Variants in IQGAP1 observed in about 807,000 individuals in gnomAD.
The protein encoded by IQGAP1 is IQ motif containing GTPase activating protein 1.
Under a neutral mutation model 215.6 loss-of-function variants are expected in IQGAP1, and 66 were observed. The ratio of observed to expected loss-of-function variants is 0.31; its 90% CI spans 0.25 to 0.38. The LOEUF (loss-of-function observed/expected upper bound fraction) is 0.38, where lower values mean the gene tolerates loss of function less well. Ranked by LOEUF, IQGAP1 falls within the 10% of genes least tolerant of loss-of-function variation. IQGAP1 has a pLI of 1.00. For synonymous variants in IQGAP1, 772 were observed against 728.7 expected (o/e 1.06, Z -0.96); for missense variants, 1,712 against 1,997.1 (o/e 0.86, Z 2.72).
In IQGAP1 at chr15:90,484,160, C is replaced by G. The variant is rs919233825; in HGVS notation, c.3789-60C>G. On this transcript the variant is annotated intron_variant, in intron 29 of 37. Coordinates refer to ENST00000268182, the MANE Select transcript of IQGAP1 (RefSeq NM_003870.4). ...TTGTGTGAGAGGTTTGTGAAATGTCCTCTTGCCAACTTCATGTGTATGTCC... is the reference window on the plus strand; with the variant it reads ...TTGTGTGAGAGGTTTGTGAAATGTCGTCTTGCCAACTTCATGTGTATGTCC... 4.6e-6 allele frequency: 7 copies of G among 1,535,016 alleles called. No homozygotes were observed. The African/African-American group carries it at 5.5e-5, about 12-fold the overall frequency.
chr15:90,442,146 T>C (rs1381150892), intron 8 of IQGAP1, among the ~76,000 whole-genome samples: 1 of 152,202 alleles, frequency 6.6e-6, no homozygotes, highest in Non-Finnish European at 1.5e-5. Flanking sequence ...CCAGATTCTC[T>C]GGGGTAAAAT....
intron 31 of IQGAP1, 77 bp downstream of exon 31, chr15:90,486,209 T>A: frequency 1.1e-6 from 1 of 910,460 alleles, no homozygotes; most frequent in Non-Finnish European, 1.8e-6. Context: ...CTCCTCTATT[T>A]TTTGCACTAT....
chr15:90,416,954 C>T (rs1360782897), intron 2 of IQGAP1, among the ~76,000 whole-genome samples: 1 of 152,162 alleles, frequency 6.6e-6, no homozygotes, highest in African/African-American at 2.4e-5. Flanking sequence ...TTGCATTTCT[C>T]TGATGGCCAG....
intron 2 of IQGAP1, among the ~76,000 whole-genome samples, chr15:90,411,741 A>C (rs971537582): frequency 1.3e-5 from 2 of 152,130 alleles, no homozygotes; most frequent in Admixed American, 6.5e-5. Flanking sequence ...TTGGAATTTC[A>C]TTTCATTTCA....
At chr15:90,466,985 G>C (rs750122101) in intron 17 of IQGAP1, among the ~76,000 whole-genome samples, 1 of 152,036 alleles carries the variant, frequency 6.6e-6, no homozygotes, top group Non-Finnish European at 1.5e-5. Flanking sequence ...CCAGCTACCC[G>C]GGAGGCTGGG....
At chr15:90,403,234 C>T (rs1445055839) in intron 2 of IQGAP1, among the ~76,000 whole-genome samples, 1 of 152,194 alleles carries the variant, frequency 6.6e-6, no homozygotes, top group Non-Finnish European at 1.5e-5. Context: ...TACGATCACA[C>T]TGCTGCACAA....
intron 2 of IQGAP1, among the ~76,000 whole-genome samples, chr15:90,418,806 C>T (rs557993591): frequency 2.6e-5 from 4 of 151,940 alleles, no homozygotes; most frequent in African/African-American, 7.3e-5. Context: ...TTCAGTAGGT[C>T]GTAACTGTTG....
At chr15:90,411,634 C>G (rs1000204572) in intron 2 of IQGAP1, among the ~76,000 whole-genome samples, 3 of 152,132 alleles carry the variant, frequency 2.0e-5, no homozygotes, top group Admixed American at 1.3e-4. Flanking sequence ...GAGCTGCTCA[C>G]AGGTTAGTAA....
Position 90,468,086 on chromosome 15 carries a change from G to T in IQGAP1, c.2178+494G>T, listed in dbSNP as rs571244398. Among the ~76,000 whole-genome samples, 64 of 137,990 alleles carry T rather than the reference G, an allele frequency of 4.6e-4. No homozygotes were observed. The South Asian group carries it at 9.1e-3, about 20-fold the overall frequency. The allele number at this position is 137,990 out of a possible 152,430, so 90.5% of individuals were successfully genotyped here. A position where few individuals can be genotyped will look rare whatever the true frequency, so the allele number is the denominator to read the frequency against. On this transcript the variant is annotated intron_variant, in intron 18 of 37. Transcript: ENST00000268182. ...TTTGTTTGTTTTTTGTTTTTTTTTT[G>T]AAACAGAGTCTCACTGTGTCACCTA...
Position 90,477,029 on chromosome 15 carries a change from A to G in IQGAP1, c.2941-38A>G. ...TTGAATATATCTTGCCAGCCTTTAT[A>G]TTACCTACAAATGACTTATCCCTTG... On this transcript the variant is annotated intron_variant, in intron 24 of 37. Coordinates refer to ENST00000268182, the MANE Select transcript of IQGAP1 (RefSeq NM_003870.4). 1.9e-6 allele frequency: 3 copies of G among 1,594,056 alleles called. No homozygotes were observed. In the South Asian group the frequency reaches 3.3e-5, roughly 18 times the overall value.
intron 4 of IQGAP1, among the ~76,000 whole-genome samples, chr15:90,431,751 C>A (rs1361153652): frequency 6.6e-6 from 1 of 152,032 alleles, no homozygotes; most frequent in African/African-American, 2.4e-5. Flanking sequence ...TATTGTTGTT[C>A]TTAATATAAT....
At chr15:90,403,101 T>C (rs930137688) in intron 2 of IQGAP1, among the ~76,000 whole-genome samples, 2 of 152,004 alleles carry the variant, frequency 1.3e-5, no homozygotes, top group African/African-American at 4.8e-5. Flanking sequence ...TAAGACCCTG[T>C]CTCTACAAAA....
rs769318841 is a variant in IQGAP1, at chr15:90,433,305, T to C, written c.391-414T>C. 1.2e-4 allele frequency among the ~76,000 whole-genome samples: 18 copies of C among 152,336 alleles called. 1 individual carries two copies. Among genetic ancestry groups the C allele is most frequent in the Admixed American group, 7.8e-4 (12 of 15,294 alleles). On this transcript the variant is annotated intron_variant, in intron 4 of 37. Coordinates refer to ENST00000268182, the MANE Select transcript of IQGAP1 (RefSeq NM_003870.4). ...TAAATGTTCATTGTTGAGTTGTTTC[T>C]CCATCTAGGCATGGTAGATAGTAAC...
intron 11 of IQGAP1, among the ~76,000 whole-genome samples, chr15:90,451,476 C>T (rs888158250): frequency 2.6e-5 from 4 of 152,132 alleles, no homozygotes; most frequent in Non-Finnish European, 4.4e-5. Context: ...AGAACTGATC[C>T]GTTCTCCCCA....
chr15:90,453,026 T>C (rs1011926727), intron 12 of IQGAP1, 88 bp downstream of exon 12: 2 of 1,557,878 alleles, frequency 1.3e-6, no homozygotes, highest in African/African-American at 2.7e-5. Flanking sequence ...AGGTAGAACT[T>C]TTTTGCATAA....
At position 90,452,643 on chromosome 15, in the gene IQGAP1, A is replaced by C. The variant is rs990763637; in HGVS notation, c.1163-132A>C. ...CAGACAAAGGAGGCTGCTTTTTTAA[A>C]GACGAAAGTTCCACTTCAAACTTCA... On this transcript the variant is annotated intron_variant, in intron 11 of 37. Transcript: ENST00000268182. 3.1e-6 allele frequency: 3 copies of C among 978,058 alleles called. No individual in the cohort carries two copies. The Admixed American group carries it at 8.0e-5, about 26-fold the overall frequency. The allele number at this position is 978,058 out of a possible 1,614,324, so 60.6% of individuals were successfully genotyped here.
intron 37 of IQGAP1, among the ~76,000 whole-genome samples, chr15:90,497,909 T>C (rs949910109): frequency 1.3e-5 from 2 of 152,198 alleles, no homozygotes; most frequent in African/African-American, 4.8e-5. Context: ...CAGACTCCTT[T>C]AGCTTTGTGT....
In IQGAP1 at chr15:90,483,556, A is replaced by G; in HGVS notation, c.3751A>G (p.Ile1251Val). 1.2e-6 allele frequency: 2 copies of G among 1,613,712 alleles called. No homozygotes were observed. The highest frequency in any genetic ancestry group is 1.1e-5 in the South Asian group (1 of 91,082). Reference sequence around the variant, plus strand: ...GGGAGATAATGCCCACTTAAGCATCATTAATGAATATCTTTCCCAGTCCTA... The same window carrying G: ...GGGAGATAATGCCCACTTAAGCATCGTTAATGAATATCTTTCCCAGTCCTA... ...FLGDNAHLSI[I>V]NEYLSQSYQK... The change falls in exon 29 of 38, where the codon ATT becomes GTT. Residue 1251 changes from isoleucine to valine, a missense_variant. Around this residue, in one of 2 missense-constraint regions of IQGAP1, gnomAD observed 691 missense variants for 923.0 expected, o/e 0.75. Coordinates refer to ENST00000268182, the MANE Select transcript of IQGAP1 (RefSeq NM_003870.4).
rs1965370433 is a variant in IQGAP1 at position 90,436,318 on chromosome 15, C to T, written c.467+2523C>T. Among the ~76,000 whole-genome samples, 3 of 152,110 alleles carry T rather than the reference C, an allele frequency of 2.0e-5. No individual in the cohort carries two copies. The South Asian group carries it at 6.2e-4, about 32-fold the overall frequency. On this transcript the variant is annotated intron_variant, in intron 5 of 37. Coordinates refer to ENST00000268182, the MANE Select transcript of IQGAP1 (RefSeq NM_003870.4). ...GCTGCCCCAGGGCTTGCTGGGGATACTTTATGATACCATATACACTGTAAA... is the reference window on the plus strand; with the variant it reads ...GCTGCCCCAGGGCTTGCTGGGGATATTTTATGATACCATATACACTGTAAA...
Sources: allele counts gnomAD v4.1 joint callset (sites outside exome capture counted in the v4.1 genomes callset), GRCh38; gene constraint gnomAD v4.1.1; regional missense constraint gnomAD v4.1.1; transcripts MANE v1.5; gene names NCBI Gene and HGNC (gene_info 2026-07-23, HGNC 2026-07-21).